The following LRRC9 variants were observed in gnomAD, a reference collection of about 807,000 sequenced individuals.
LRRC9 encodes the protein leucine rich repeat containing 9.
A neutral mutation model predicts 63.2 loss-of-function variants in LRRC9; 122 were observed. The ratio of observed to expected loss-of-function variants is 1.93; its 90% CI spans 1.67 to 2.24. LRRC9 has a LOEUF of 2.24. Among genes scored for constraint, LRRC9 ranks in the 30% most tolerant of loss-of-function variants. The probability of loss-of-function intolerance (pLI) is 0.00; values close to 1 mark genes in which losing one functional copy is unlikely to be tolerated. For synonymous variants in LRRC9, 366 were observed against 213.1 expected (o/e 1.72, Z -6.25); for missense variants, 1,071 against 627.7 (o/e 1.71, Z -7.55).
chr14:59,925,590 C>T (rs900988512), intron 1 of LRRC9, among the ~76,000 whole-genome samples: 1 of 152,144 alleles, frequency 6.6e-6, no homozygotes, highest in Non-Finnish European at 1.5e-5. Flanking sequence ...CACATTCAAA[C>T]CGTAGCATTC....
At chr14:60,002,477 T>C (rs1032837461) in intron 20 of LRRC9, among the ~76,000 whole-genome samples, 6 of 152,164 alleles carry the variant, frequency 3.9e-5, no homozygotes, top group African/African-American at 1.2e-4. Context: ...AGTTTGACTA[T>C]TTTAGAGTTC....
At chr14:59,987,651 A>T (rs1887631426) in intron 17 of LRRC9, among the ~76,000 whole-genome samples, 1 of 151,842 alleles carries the variant, frequency 6.6e-6, no homozygotes, top group African/African-American at 2.4e-5. Flanking sequence ...ATAGGATCAG[A>T]CCCAGGTTCC....
intron 7 of LRRC9, among the ~76,000 whole-genome samples, chr14:59,943,241 C>G (rs1881981781): frequency 6.6e-6 from 1 of 152,014 alleles, no homozygotes; most frequent in Non-Finnish European, 1.5e-5. Context: ...GATCAATGTC[C>G]TGAAGTATTT....
intron 17 of LRRC9, among the ~76,000 whole-genome samples, chr14:59,993,892 T>G (rs1888446094): frequency 1.3e-5 from 2 of 152,114 alleles, no homozygotes; most frequent in African/African-American, 4.8e-5. Context: ...CTGTCAACAT[T>G]AGACAGATCA....
At chr14:60,009,698 G>C (rs1318002845) in intron 23 of LRRC9, among the ~76,000 whole-genome samples, 1 of 152,152 alleles carries the variant, frequency 6.6e-6, no homozygotes, top group Non-Finnish European at 1.5e-5. Context: ...TGTGAGCTGA[G>C]ACAAGTCAAG....
intron 12 of LRRC9, among the ~76,000 whole-genome samples, chr14:59,968,637 A>G (rs1885121309): frequency 6.6e-6 from 1 of 152,190 alleles, no homozygotes; most frequent in Non-Finnish European, 1.5e-5. Flanking sequence ...TGGAGAAGTA[A>G]GAAGGAGGTG....
At chr14:60,045,394 T>TA (rs532325334) in intron 29 of LRRC9, among the ~76,000 whole-genome samples, 1 of 152,142 alleles carries the variant, frequency 6.6e-6, no homozygotes, top group East Asian at 1.9e-4. Flanking sequence ...GCCAAGCATC[T>TA]ATTAGCTATT....
In LRRC9 at chr14:59,962,036, G is replaced by GA. The variant is rs201809420; in HGVS notation, c.1211+1000dup. Among the ~76,000 whole-genome samples the GA allele has an allele frequency of 1.2e-3, 181 of 150,342 alleles. No individual in the cohort carries two copies. The highest frequency in any genetic ancestry group is 4.0e-3 in the African/African-American group (165 of 40,988). ...ATGTAAAACTTACACTAACTTTTTA[G>GA]AAAAAAAAACTGTTATTGTTATGGG... On this transcript the variant is annotated intron_variant, in intron 10 of 31. Transcript: ENST00000445360. This position sits in a 1 kb window ranked among gnomAD's most constrained non-coding sequence, Gnocchi z 5.1.
intron 15 of LRRC9, among the ~76,000 whole-genome samples, chr14:59,978,702 T>A (rs1029048509): frequency 6.6e-6 from 1 of 152,202 alleles, no homozygotes; most frequent in African/African-American, 2.4e-5. Flanking sequence ...ATATACTGTG[T>A]CCATATTTAT....
intron 19 of LRRC9, among the ~76,000 whole-genome samples, chr14:59,999,959 A>C (rs1889187311): frequency 6.6e-6 from 1 of 152,090 alleles, no homozygotes. Flanking sequence ...ACCAAAAGAA[A>C]ATTAATTGTT....
At chr14:59,979,619 A>C (rs1315156301) in intron 15 of LRRC9, among the ~76,000 whole-genome samples, 2 of 152,204 alleles carry the variant, frequency 1.3e-5, no homozygotes, top group African/African-American at 4.8e-5. Context: ...CTCAAAAAAA[A>C]ATAAAGAAAG....
intron 6 of LRRC9, among the ~76,000 whole-genome samples, chr14:59,934,271 C>T (rs917424729): frequency 6.6e-6 from 1 of 151,918 alleles, no homozygotes; most frequent in African/African-American, 2.4e-5. Flanking sequence ...AAAATGAATC[C>T]GTGATTACAG....
chr14:59,944,703 C>A, exon 8 of LRRC9: 4 of 668,076 alleles, frequency 6.0e-6, no homozygotes, highest in South Asian at 3.4e-5. Flanking sequence ...ACAAAAGTTG[C>A]CAGAAGAACG....
chr14:59,998,025 T>A (rs1459603551), intron 18 of LRRC9, among the ~76,000 whole-genome samples, 178 bp downstream of exon 18: 1 of 152,080 alleles, frequency 6.6e-6, no homozygotes, highest in African/African-American at 2.4e-5. Context: ...AATCAGATGT[T>A]ACTATAAGAA....
intron 3 of LRRC9, among the ~76,000 whole-genome samples, chr14:59,929,962 A>G (rs1478161416): frequency 6.6e-6 from 1 of 152,018 alleles, no homozygotes; most frequent in East Asian, 1.9e-4. Context: ...AAAATAACTA[A>G]TGGGTACTAT....
chr14:59,992,459 G>A (rs533461525), intron 17 of LRRC9, among the ~76,000 whole-genome samples: 7 of 152,290 alleles, frequency 4.6e-5, no homozygotes, highest in East Asian at 1.9e-4. Context: ...AAAGCTGGAC[G>A]GAGAATGACT....
chr14:59,982,040 A>G (rs1044541281), exon 16 of LRRC9: 1 of 701,600 alleles, frequency 1.4e-6, no homozygotes, highest in Non-Finnish European at 2.6e-6. Context: ...TGCAAAGACT[A>G]GCGTTTACAG....
chr14:59,955,508 T>C (rs576460353), intron 8 of LRRC9, among the ~76,000 whole-genome samples: 1 of 152,268 alleles, frequency 6.6e-6, no homozygotes, highest in South Asian at 2.1e-4. Flanking sequence ...ATCATTTTTA[T>C]TGTTCTATTT....
Position 60,027,497 on chromosome 14 carries a change from TA to T in LRRC9, c.3704-385del, listed in dbSNP as rs1168399453. On this transcript the variant is annotated intron_variant, in intron 27 of 31. Coordinates refer to ENST00000445360, the Ensembl canonical transcript of LRRC9. The surrounding 1 kb of genome is among the most constrained non-coding windows in gnomAD (Gnocchi z 4.0). Reference sequence around the variant, plus strand: ...CAACAAATTAGTCTATTTTAAGAAATAATTAAATATACTATTGTAATATCTA... The same window carrying T: ...CAACAAATTAGTCTATTTTAAGAAATATTAAATATACTATTGTAATATCTA... Among the ~76,000 whole-genome samples, 1 of 152,056 alleles carries T rather than the reference TA, an allele frequency of 6.6e-6. No homozygotes were observed. Among genetic ancestry groups the T allele is most frequent in the Admixed American group, 6.6e-5 (1 of 15,246 alleles).
Sources: gnomAD v4.1 joint callset for allele counts (sites outside exome capture counted in the v4.1 genomes callset) on GRCh38, gnomAD v4.1.1 for gene constraint, Gnocchi (gnomAD v3.1) non-coding constraint, MANE v1.5 for transcripts, NCBI Gene and HGNC (gene_info 2026-07-23, HGNC 2026-07-21) for gene names.